Variants in LHX4 observed in about 807,000 individuals in gnomAD.
LHX4 encodes the protein LIM homeobox 4, also known as LIM/homeobox protein Lhx4.
Under a neutral mutation model 39.2 loss-of-function variants are expected in LHX4, and 16 were observed. The observed-to-expected ratio is 0.41, with a 90% CI of 0.28 to 0.62. The LOEUF is 0.62. Among genes scored for constraint, LHX4 ranks in the 20% least tolerant of loss-of-function variants. LHX4 has a pLI of 0.33. For synonymous variants in LHX4, 206 were observed against 198.1 expected, an observed-to-expected ratio of 1.04 and a Z score of -0.33; for missense variants, 439 against 511.9, an observed-to-expected ratio of 0.86 and a Z score of 1.37.
Position 180,266,247 on chromosome 1 carries a change from C to A in LHX4, c.249-145C>A. 1.3e-6 allele frequency: 1 copy of A among 760,366 alleles called. No individual in the cohort carries two copies. Among genetic ancestry groups the A allele is most frequent in the Non-Finnish European group, 2.3e-6 (1 of 438,824 alleles). 47.1% of individuals were successfully genotyped at this position (760,366 alleles called of 1,614,324 possible). A position where few individuals can be genotyped will look rare whatever the true frequency, so the allele number is the denominator to read the frequency against. On this transcript the variant is annotated intron_variant, in intron 2 of 5. Transcript: ENST00000263726. The surrounding 1 kb of genome is among the most constrained non-coding windows in gnomAD (Gnocchi z 5.7). ...TGAAGCTAGATGGAGGCAGAGAGGA[C>A]CAGACGGTAAGCTCTGGGTGACTGG...
rs920381316 is a variant in LHX4, at chr1:180,231,669, C to T, written c.76+1064C>T. On this transcript the variant is annotated intron_variant, in intron 1 of 5. Transcript: ENST00000263726. ...AGAGACCAAGGAGTTCCTCGCTCCG[C>T]TTGCCAAGGGGTTGTACTTCCGCCT... Among the ~76,000 whole-genome samples the T allele has an allele frequency of 6.6e-5, 10 of 151,936 alleles. No individual in the cohort carries two copies. In the South Asian group the frequency reaches 2.1e-3, roughly 32 times the overall value.
chr1:180,229,881 G>A (rs1664123025), upstream of LHX4, among the ~76,000 whole-genome samples: 2 of 151,068 alleles, frequency 1.3e-5, no homozygotes, highest in South Asian at 2.1e-4. Flanking sequence ...CCGACCACCT[G>A]CTGCCGCGGC....
chr1:180,264,377 T>TC (rs1264549929), intron 2 of LHX4, among the ~76,000 whole-genome samples: 20 of 61,656 alleles, frequency 3.2e-4, no homozygotes, highest in Admixed American at 1.5e-3. Context: ...CACACACACA[T>TC]AACACACACA....
At chr1:180,274,087 G>C in intron 5 of LHX4, 98 bp from the exon 6 acceptor site, 1 of 1,479,826 alleles carries the variant, frequency 6.8e-7, no homozygotes, top group Non-Finnish European at 9.4e-7. Flanking sequence ...GCCATCCTTG[G>C]GCATCTTTCC....
intron 2 of LHX4, among the ~76,000 whole-genome samples, chr1:180,257,457 A>T (rs1343872785): frequency 6.6e-6 from 1 of 152,202 alleles, no homozygotes; most frequent in African/African-American, 2.4e-5. Flanking sequence ...AGGCTCTAAG[A>T]TTCTCTGGTG....
chr1:180,230,975 G>A lies in LHX4; in HGVS notation c.76+370G>A, dbSNP rs1254841900. Among the ~76,000 whole-genome samples, 1 of 152,104 alleles carries A rather than the reference G, an allele frequency of 6.6e-6. No homozygotes were observed. The highest frequency in any genetic ancestry group is 1.5e-5 in the Non-Finnish European group (1 of 68,014). Reference sequence around the variant, plus strand: ...ACAAATCTTCTTTCGCCGGCGTGACGGTCAGCGCTTGCAGGACCGCTAGTG... The same window carrying A: ...ACAAATCTTCTTTCGCCGGCGTGACAGTCAGCGCTTGCAGGACCGCTAGTG... On this transcript the variant is annotated intron_variant, in intron 1 of 5. Transcript: ENST00000263726. The surrounding 1 kb of genome is among the most constrained non-coding windows in gnomAD (Gnocchi z 5.8).
chr1:180,246,486 C>A (rs1271938946), intron 1 of LHX4, among the ~76,000 whole-genome samples: 8 of 152,062 alleles, frequency 5.3e-5, no homozygotes, highest in Non-Finnish European at 1.0e-4. Flanking sequence ...CCGAGGCAGG[C>A]GGATCACCTG....
chr1:180,246,864 C>T (rs1394021602), intron 1 of LHX4, among the ~76,000 whole-genome samples: 2 of 152,140 alleles, frequency 1.3e-5, no homozygotes, highest in African/African-American at 4.8e-5. Flanking sequence ...TATTATTTAG[C>T]GATAAACATC....
intron 3 of LHX4, among the ~76,000 whole-genome samples, chr1:180,269,140 T>TGG (rs34208363): frequency 8.3e-4 from 126 of 151,402 alleles, no homozygotes; most frequent in Middle Eastern, 3.4e-3. Context: ...GTAGAGTGTG[T>TGG]GGGGGGGGGG....
intron 2 of LHX4, among the ~76,000 whole-genome samples, chr1:180,250,419 C>T (rs28432298): frequency 0.34 from 50,992 of 151,880 alleles, 8,978 homozygotes; most frequent in Non-Finnish European, 0.38. Context: ...GGGCAGGAAG[C>T]GGCAGGTGGC....
chr1:180,228,943 G>T (rs570420726), upstream of LHX4, among the ~76,000 whole-genome samples: 1 of 151,644 alleles, frequency 6.6e-6, no homozygotes, highest in Admixed American at 6.5e-5. Flanking sequence ...AGGAAATGCC[G>T]TGGGGGCTGG....
intron 1 of LHX4, among the ~76,000 whole-genome samples, chr1:180,236,995 G>A (rs1476280596): frequency 6.6e-6 from 1 of 152,158 alleles, no homozygotes; most frequent in African/African-American, 2.4e-5. Context: ...TGGAATGAGT[G>A]TTAACAATGC....
chr1:180,255,828 A>G (rs1313486459), intron 2 of LHX4, among the ~76,000 whole-genome samples: 1 of 152,228 alleles, frequency 6.6e-6, no homozygotes, highest in Non-Finnish European at 1.5e-5. Context: ...TGGAAGACAC[A>G]TCTCAGGGAC....
chr1:180,270,893 A>C, intron 3 of LHX4: 8 of 217,970 alleles, frequency 3.7e-5, no homozygotes, highest in South Asian at 1.2e-4. Flanking sequence ...CCTGGCTGTG[A>C]GCCCAGCGAC....
Position 180,230,597 on chromosome 1 carries a change from C to T in LHX4, c.68C>T (p.Pro23Leu), listed in dbSNP as rs759928429. 1 of 1,613,314 alleles carries T rather than the reference C, an allele frequency of 6.2e-7. No individual in the cohort carries two copies. Among genetic ancestry groups the T allele is most frequent in the Non-Finnish European group, 8.5e-7 (1 of 1,179,496 alleles). Residue 23 changes from proline to leucine, a missense_variant, in exon 1 of 6, where the codon CCG (proline) becomes CTG (leucine). Coordinates refer to ENST00000263726, the MANE Select transcript of LHX4 (RefSeq NM_033343.4). This position sits in a 1 kb window ranked among gnomAD's most constrained non-coding sequence, Gnocchi z 5.8. ...GGGCTCCCGGAGATGCTAGGTGTGC[C>T]GATGCAACGTAAGACACCCCCCTTT... is the stretch of plus-strand genomic sequence containing the variant. ...VKGLPEMLGV[P>L]MQQIPQCAGC... is the part of the protein sequence containing the mutation.
At chr1:180,236,221 C>A (rs1218541046) in intron 1 of LHX4, among the ~76,000 whole-genome samples, 1 of 151,820 alleles carries the variant, frequency 6.6e-6, no homozygotes, top group East Asian at 1.9e-4. Flanking sequence ...GGTGGGAGAG[C>A]CGGGAAACCA....
At chr1:180,256,689 A>G (rs1647871079) in intron 2 of LHX4, among the ~76,000 whole-genome samples, 1 of 152,126 alleles carries the variant, frequency 6.6e-6, no homozygotes, top group Admixed American at 6.5e-5. Flanking sequence ...GTGGGGCTGG[A>G]AAGTGTGGGT....
At chr1:180,241,753 C>A (rs950852674) in intron 1 of LHX4, among the ~76,000 whole-genome samples, 4 of 152,186 alleles carry the variant, frequency 2.6e-5, no homozygotes, top group South Asian at 2.1e-4. Context: ...AGAAAACTTT[C>A]AAATTCTCCC....
chr1:180,258,767 G>A (rs1444271156), intron 2 of LHX4, among the ~76,000 whole-genome samples: 1 of 152,046 alleles, frequency 6.6e-6, no homozygotes, highest in East Asian at 1.9e-4. Context: ...TTGCACCACT[G>A]CACTCCAGTC....
Sources: allele counts gnomAD v4.1 joint callset (sites outside exome capture counted in the v4.1 genomes callset), GRCh38; gene constraint gnomAD v4.1.1; non-coding constraint Gnocchi (gnomAD v3.1); transcripts MANE v1.5; gene names NCBI Gene and HGNC (gene_info 2026-07-23, HGNC 2026-07-21).